Variants in GALNT10 observed in about 807,000 individuals in gnomAD.
The protein encoded by GALNT10 is polypeptide N-acetylgalactosaminyltransferase 10, also known as GalNAc transferase 10.
In GALNT10, 41 loss-of-function variants were observed where a neutral mutation model predicts 75.0. The observed-to-expected ratio is 0.55, with a 90% CI of 0.43 to 0.71. The LOEUF is 0.71. Ranked by LOEUF, GALNT10 falls within the 30% of genes least tolerant of loss-of-function variation. The pLI, the probability that GALNT10 is intolerant of heterozygous loss-of-function variation, is 0.00. For synonymous variants in GALNT10, 302 were observed against 313.0 expected (o/e 0.96, Z 0.37); for missense variants, 727 against 818.5 (o/e 0.89, Z 1.36).
intron 1 of GALNT10, among the ~76,000 whole-genome samples, chr5:154,200,056 AG>A (rs1381141499): frequency 6.6e-6 from 1 of 152,174 alleles, no homozygotes; most frequent in African/African-American, 2.4e-5. Flanking sequence ...TATCTGCGCC[AG>A]CCACTGACTG....
chr5:154,351,078 A>G (rs1755198801), intron 4 of GALNT10, among the ~76,000 whole-genome samples: 1 of 152,242 alleles, frequency 6.6e-6, no homozygotes, highest in South Asian at 2.1e-4. Flanking sequence ...TTTTGTGAGT[A>G]TGTATGTATG....
intron 1 of GALNT10, among the ~76,000 whole-genome samples, chr5:154,223,550 AG>A (rs1753014931): frequency 6.6e-6 from 1 of 152,222 alleles, no homozygotes; most frequent in African/African-American, 2.4e-5. Context: ...AGCACCATGA[AG>A]GGGTTAGCAT....
At position 154,417,024 on chromosome 5, in the gene GALNT10, T is replaced by C; in HGVS notation, c.*52T>C. The C allele has an allele frequency of 6.5e-7, 1 of 1,541,622 alleles. No homozygotes were observed. Among genetic ancestry groups the C allele is most frequent in the Non-Finnish European group, 8.9e-7 (1 of 1,117,632 alleles). ...CCAGGGTCTGGCACTCACTGCAGAC[T>C]TCCTCTTTCAAGGGAGGCAGGGCCC... is the stretch of plus-strand genomic sequence containing the variant. On this transcript the variant is annotated 3_prime_UTR_variant, in exon 12 of 12. Coordinates refer to ENST00000297107, the MANE Select transcript of GALNT10 (RefSeq NM_198321.4).
chr5:154,316,208 A>G (rs1311511603), intron 3 of GALNT10, among the ~76,000 whole-genome samples: 1 of 152,216 alleles, frequency 6.6e-6, no homozygotes, highest in Non-Finnish European at 1.5e-5. Flanking sequence ...GGAACATAAC[A>G]GCAGACACTG....
At chr5:154,211,181 A>G (rs1775192773) in intron 1 of GALNT10, among the ~76,000 whole-genome samples, 2 of 152,244 alleles carry the variant, frequency 1.3e-5, no homozygotes, top group South Asian at 4.1e-4. Context: ...GGAGGGCAGG[A>G]AAGGGCTTGG....
At chr5:154,347,610 C>T (rs1358425522) in intron 4 of GALNT10, among the ~76,000 whole-genome samples, 1 of 152,182 alleles carries the variant, frequency 6.6e-6, no homozygotes, top group African/African-American at 2.4e-5. Flanking sequence ...GATCCTCCCG[C>T]CTCTGCCTCC....
chr5:154,272,192 G>A (rs1457730337), intron 1 of GALNT10, among the ~76,000 whole-genome samples: 6 of 152,228 alleles, frequency 3.9e-5, no homozygotes, highest in Non-Finnish European at 7.4e-5. Flanking sequence ...GCCAAGAAGC[G>A]CTCCCCAACT....
At chr5:154,278,543 AT>A (rs1218447883) in intron 1 of GALNT10, among the ~76,000 whole-genome samples, 7 of 152,154 alleles carry the variant, frequency 4.6e-5, no homozygotes, top group Non-Finnish European at 8.8e-5. Context: ...GAAGGGAGGT[AT>A]TTTTTTATTG....
chr5:154,340,432 T>C (rs181069118), intron 4 of GALNT10, among the ~76,000 whole-genome samples: 2 of 152,300 alleles, frequency 1.3e-5, no homozygotes, highest in Non-Finnish European at 1.5e-5. Context: ...GAGATTCCCC[T>C]TCTCTGTGTG....
chr5:154,385,890 G>A (rs1021520150), intron 6 of GALNT10, among the ~76,000 whole-genome samples: 2 of 152,180 alleles, frequency 1.3e-5, no homozygotes, highest in Admixed American at 1.3e-4. Flanking sequence ...CAGGTCTGAG[G>A]TGGGGCCCAG....
chr5:154,257,229 A>G (rs1432799928), intron 1 of GALNT10, among the ~76,000 whole-genome samples: 2 of 152,208 alleles, frequency 1.3e-5, no homozygotes, highest in Non-Finnish European at 2.9e-5. Flanking sequence ...CCCCAAAGCT[A>G]CTTATCTAGC....
In GALNT10 at chr5:154,294,924, G is replaced by T; in HGVS notation, c.262+6G>T. The T allele has an allele frequency of 6.9e-7, 1 of 1,446,712 alleles. No individual in the cohort carries two copies. The highest frequency in any genetic ancestry group is 9.7e-7 in the Non-Finnish European group (1 of 1,027,098). 89.6% of individuals were successfully genotyped at this position (1,446,712 alleles called of 1,614,324 possible). On this transcript the variant is annotated splice_donor_region_variant and intron_variant, in intron 2 of 11. Transcript: ENST00000297107. Reference sequence around the variant, plus strand: ...GAGGGACGCTCAGCGCGTAGGTACGGAGGGCAGGATTGGCCATGGGTGGGC... The same window carrying T: ...GAGGGACGCTCAGCGCGTAGGTACGTAGGGCAGGATTGGCCATGGGTGGGC...
chr5:154,194,063 A>G (rs745411544), intron 1 of GALNT10, among the ~76,000 whole-genome samples: 63 of 152,334 alleles, frequency 4.1e-4, no homozygotes, highest in Non-Finnish European at 6.5e-4. Context: ...AGTCTGTTTC[A>G]TATTCCAGGT....
chr5:154,248,308 G>C (rs551631589), intron 1 of GALNT10, among the ~76,000 whole-genome samples: 2 of 152,332 alleles, frequency 1.3e-5, no homozygotes, highest in African/African-American at 4.8e-5. Flanking sequence ...TTTGGTATCA[G>C]GATGATGCTG....
intron 1 of GALNT10, among the ~76,000 whole-genome samples, chr5:154,270,418 T>C (rs546244815): frequency 6.6e-6 from 1 of 151,950 alleles, no homozygotes; most frequent in South Asian, 2.1e-4. Flanking sequence ...GGAGATGGCC[T>C]GGACCCACGT....
chr5:154,416,997 C>T lies in GALNT10; in HGVS notation c.*25C>T. On this transcript the variant is annotated 3_prime_UTR_variant, in exon 12 of 12. Coordinates refer to ENST00000297107, the MANE Select transcript of GALNT10 (RefSeq NM_198321.4). This position sits in a 1 kb window ranked among gnomAD's most constrained non-coding sequence, Gnocchi z 4.5. Reference sequence around the variant, plus strand: ...AGCCCTCATGTCCCCTTGGCAGGCCCCCCAGGGTCTGGCACTCACTGCAGA... The same window carrying T: ...AGCCCTCATGTCCCCTTGGCAGGCCTCCCAGGGTCTGGCACTCACTGCAGA... 6.2e-7 allele frequency: 1 copy of T among 1,611,500 alleles called. No homozygotes were observed. The highest frequency in any genetic ancestry group is 8.5e-7 in the Non-Finnish European group (1 of 1,177,908).
chr5:154,314,560 G>A (rs142807280), intron 3 of GALNT10, among the ~76,000 whole-genome samples: 186 of 152,166 alleles, frequency 1.2e-3, no homozygotes, highest in African/African-American at 4.4e-3. Flanking sequence ...TATGTGGCCT[G>A]GGAATGGTAG....
chr5:154,325,275 G>C (rs1385274979), intron 3 of GALNT10, among the ~76,000 whole-genome samples: 2 of 151,998 alleles, frequency 1.3e-5, no homozygotes, highest in Non-Finnish European at 2.9e-5. Flanking sequence ...TAACTTTTCT[G>C]TAATCATACT....
intron 1 of GALNT10, among the ~76,000 whole-genome samples, chr5:154,245,565 T>G (rs1183002390): frequency 1.3e-5 from 2 of 151,880 alleles, no homozygotes. Context: ...ATAGTCGTCC[T>G]TTAATAAATT....
Sources: allele counts gnomAD v4.1 joint callset (sites outside exome capture counted in the v4.1 genomes callset), GRCh38; gene constraint gnomAD v4.1.1; non-coding constraint Gnocchi (gnomAD v3.1); transcripts MANE v1.5; gene names NCBI Gene and HGNC (gene_info 2026-07-23, HGNC 2026-07-21).